Variants in ZNF107 observed in about 807,000 individuals in gnomAD.
ZNF107 encodes the protein zinc finger protein 107.
Under a neutral mutation model 12.3 loss-of-function variants are expected in ZNF107, and 19 were observed. That is an observed-to-expected ratio of 1.55 (90% CI 1.08 to 2.27). The LOEUF (loss-of-function observed/expected upper bound fraction) is 2.27. Ranked by LOEUF, ZNF107 falls within the 30% of genes most tolerant of loss-of-function variation. The probability of loss-of-function intolerance (pLI) is 0.00; values close to 1 mark genes in which losing one functional copy is unlikely to be tolerated. For missense variants in ZNF107, 958 were observed against 979.9 expected (o/e 0.98, Z 0.30); for synonymous variants, 317 against 330.5 (o/e 0.96, Z 0.44).
rs1360176237 is a variant in ZNF107, at chr7:64,696,994, T to A, written c.226+5034T>A. 9.7e-5 allele frequency among the ~76,000 whole-genome samples: 13 copies of A among 133,980 alleles called. No homozygotes were observed. In the East Asian group the frequency reaches 2.6e-3, roughly 26 times the overall value. The allele number at this position is 133,980 out of a possible 152,430, so 87.9% of individuals were successfully genotyped here. A position where few individuals can be genotyped will look rare whatever the true frequency, so the allele number is the denominator to read the frequency against. ...GCCCCCACCCCACAACAGTCCCCGGTGTGTGATGTTCCCCTTCCTGTGTCC... is the reference window on the plus strand; with the variant it reads ...GCCCCCACCCCACAACAGTCCCCGGAGTGTGATGTTCCCCTTCCTGTGTCC... On this transcript the variant is annotated intron_variant, in intron 3 of 3. Transcript: ENST00000620827.
chr7:64,707,272 T>C lies in ZNF107; in HGVS notation c.1175T>C (p.Met392Thr), dbSNP rs373381516. The C allele has an allele frequency of 1.9e-5, 31 of 1,609,964 alleles. No homozygotes were observed. Among genetic ancestry groups the C allele is most frequent in the Non-Finnish European group, 2.5e-5 (30 of 1,178,578 alleles). The change falls in exon 4 of 4, where the codon ATG (methionine) becomes ACG (threonine). Residue 392 changes from methionine (M) to threonine (T), a missense_variant. Coordinates refer to ENST00000620827, the MANE Select transcript of ZNF107 (RefSeq NM_001282359.2). The stretch of plus-strand genomic sequence containing the variant: ...CTTACTGCACATAAGAAAATTCTAA[T>C]GGAAGAGAAACCCTACAAATGTGAA... ...LKLTAHKKIL[M>T]EEKPYKCEEC... is the part of the protein sequence containing the mutation.
intron 1 of ZNF107, among the ~76,000 whole-genome samples, chr7:64,685,602 A>T (rs1047198892): frequency 1.3e-5 from 2 of 152,162 alleles, no homozygotes; most frequent in African/African-American, 2.4e-5. Context: ...AAACACAGGG[A>T]GCCACTCAGC....
At chr7:64,684,841 G>A (rs923514173) in intron 1 of ZNF107, 4 of 537,610 alleles carry the variant, frequency 7.4e-6, no homozygotes, top group Non-Finnish European at 9.5e-6. Context: ...TGGCATGGCC[G>A]CACTCCCACT....
chr7:64,704,399 C>T (rs1490117106), intron 3 of ZNF107, among the ~76,000 whole-genome samples: 3 of 152,124 alleles, frequency 2.0e-5, no homozygotes, highest in Non-Finnish European at 4.4e-5. Context: ...GCATGCACCA[C>T]CACACCTGTC....
chr7:64,691,293 G>A lies in ZNF107; in HGVS notation c.49G>A (p.Glu17Lys). Residue 17 changes from glutamate to lysine, a missense_variant, in exon 2 of 4, where the codon GAG (glutamate) becomes AAG (lysine). Glu to Lys is a moderately conservative substitution (Grantham distance 56). Coordinates refer to ENST00000620827, the MANE Select transcript of ZNF107 (RefSeq NM_001282359.2). Reference protein sequence around the residue: ...KDVAIEFSLEEWQCLDTAQRD... With the variant: ...KDVAIEFSLEKWQCLDTAQRD... The stretch of plus-strand genomic sequence containing the variant: ...TGTCGCCATAGAATTCTCTCTGGAG[G>A]AGTGGCAATGCCTGGATACTGCACA... 1 of 1,556,448 alleles carries A rather than the reference G, an allele frequency of 6.4e-7. No individual in the cohort carries two copies. The highest frequency in any genetic ancestry group is 8.7e-7 in the Non-Finnish European group (1 of 1,153,248).
chr7:64,692,173 T>C (rs1259097691), intron 3 of ZNF107, among the ~76,000 whole-genome samples: 2 of 152,204 alleles, frequency 1.3e-5, no homozygotes, highest in Non-Finnish European at 2.9e-5. Context: ...CCTTCAGTGA[T>C]CTTTCTTCAA....
rs1790679200 is a variant in ZNF107 at position 64,707,083 on chromosome 7, C to G, written c.986C>G (p.Thr329Ser). The change falls in exon 4 of 4, where the codon ACT becomes AGT. Residue 329 changes from threonine (T) to serine (S), a missense_variant. Physicochemically the swap from Thr to Ser is moderately conservative, Grantham distance 58. Coordinates refer to ENST00000620827, the MANE Select transcript of ZNF107 (RefSeq NM_001282359.2). ...GCTTTTAACCTATTCTCAAATCTTA[C>G]TAACCATAAGAGAATTCATGCTGGG... ...GKAFNLFSNL[T>S]NHKRIHAGEK... 4 of 1,611,346 alleles carry G rather than the reference C, an allele frequency of 2.5e-6. No individual in the cohort carries two copies. In the East Asian group the frequency reaches 8.9e-5, roughly 36 times the overall value.
chr7:64,691,884 A>G lies in ZNF107; in HGVS notation c.150A>G (p.Pro50=), dbSNP rs28886395. The G allele has an allele frequency of 7.0e-3, 10,509 of 1,493,650 alleles. 669 individuals carry two copies. In the African/African-American group the frequency reaches 0.13, roughly 19 times the overall value. 92.5% of individuals were successfully genotyped at this position (1,493,650 alleles called of 1,614,324 possible). ...AAACAGGTATTGCTGTCTCTAAGCC[A>G]TATCTGATCACCTGTCTGGAGCAAA... The part of the protein sequence containing the change: ...LVFLGIAVSK[P]YLITCLEQKK... The change falls in exon 3 of 4, where the codon CCA becomes CCG. Residue 50 remains proline (P), a synonymous_variant. Transcript: ENST00000620827.
intron 1 of ZNF107, among the ~76,000 whole-genome samples, chr7:64,677,164 C>A (rs921404087): frequency 6.6e-6 from 1 of 150,684 alleles, no homozygotes; most frequent in Non-Finnish European, 1.5e-5. Flanking sequence ...TCTGGATTAA[C>A]ATACCCATGG....
At chr7:64,700,188 A>G (rs1790427677) in intron 3 of ZNF107, among the ~76,000 whole-genome samples, 1 of 152,156 alleles carries the variant, frequency 6.6e-6, no homozygotes, top group African/African-American at 2.4e-5. Flanking sequence ...TCATGCTGCA[A>G]TGTACTCCTC....
intron 3 of ZNF107, among the ~76,000 whole-genome samples, chr7:64,704,872 G>A (rs1273792230): frequency 6.6e-6 from 1 of 152,078 alleles, no homozygotes; most frequent in Non-Finnish European, 1.5e-5. Flanking sequence ...TACAGATGGG[G>A]TTTCACCATG....
rs1272437422 is a variant in ZNF107, at chr7:64,709,391, A to G, written c.*735A>G. 8.8e-6 allele frequency: 3 copies of G among 339,096 alleles called. No individual in the cohort carries two copies. The highest frequency in any genetic ancestry group is 1.7e-5 in the Non-Finnish European group (3 of 175,932). The allele number at this position is 339,096 out of a possible 1,614,324, so 21.0% of individuals were successfully genotyped here. The stretch of plus-strand genomic sequence containing the variant: ...GAGAGAAACCCTGCAAATGTGAATA[A>G]TGTGGCAATACTTTAAACCAATCCT... On this transcript the variant is annotated 3_prime_UTR_variant, in exon 4 of 4. Transcript: ENST00000620827.
At chr7:64,701,906 T>C (rs1375848295) in intron 3 of ZNF107, among the ~76,000 whole-genome samples, 1 of 152,128 alleles carries the variant, frequency 6.6e-6, no homozygotes, top group Non-Finnish European at 1.5e-5. Context: ...CATTTCTTCT[T>C]ATTAAGTAGT....
intron 3 of ZNF107, among the ~76,000 whole-genome samples, chr7:64,698,081 T>C (rs1030667242): frequency 1.5e-4 from 23 of 152,212 alleles, no homozygotes; most frequent in African/African-American, 5.5e-4. Context: ...TTGGTGTCTT[T>C]AAAAAATTGA....
At chr7:64,691,179 A>AC in intron 1 of ZNF107, 69 bp from the exon 2 acceptor site, 13 of 1,308,706 alleles carry the variant, frequency 9.9e-6, no homozygotes, top group Non-Finnish European at 1.3e-5. Flanking sequence ...ACTATCCTAT[A>AC]CATTTTTTTA....
In ZNF107 at chr7:64,708,332, C is replaced by G. The variant is rs1248065047; in HGVS notation, c.2235C>G (p.Ser745=). Residue 745 remains serine, a synonymous_variant, in exon 4 of 4, where the codon TCC becomes TCG. Coordinates refer to ENST00000620827, the MANE Select transcript of ZNF107 (RefSeq NM_001282359.2). ...CKECGKAFNL[S]STLTAHKKIH... ...AATGTGGCAAAGCTTTTAACCTATC[C>G]TCAACCCTTACTGCACATAAGAAAA... 2 of 1,613,076 alleles carry G rather than the reference C, an allele frequency of 1.2e-6. No individual in the cohort carries two copies. The highest frequency in any genetic ancestry group is 4.5e-5 in the East Asian group (2 of 44,780).
chr7:64,707,243 A>G lies in ZNF107; in HGVS notation c.1146A>G (p.Leu382=), dbSNP rs762688025. The G allele has an allele frequency of 3.7e-6, 6 of 1,613,114 alleles. No homozygotes were observed. The highest frequency in any genetic ancestry group is 1.3e-5 in the African/African-American group (1 of 74,856). The stretch of plus-strand genomic sequence containing the variant: ...GTGACAAAGCTTTTAACCGATCCTT[A>G]AAACTTACTGCACATAAGAAAATTC... The part of the protein sequence containing the change: ...EECDKAFNRS[L]KLTAHKKILM... The change falls in exon 4 of 4, where the codon TTA becomes TTG. Residue 382 remains leucine (L), a synonymous_variant. Coordinates refer to ENST00000620827, the MANE Select transcript of ZNF107 (RefSeq NM_001282359.2).
At chr7:64,667,723 G>T (rs1252991895) in intron 1 of ZNF107, among the ~76,000 whole-genome samples, 1 of 152,250 alleles carries the variant, frequency 6.6e-6, no homozygotes, top group Admixed American at 6.5e-5. Flanking sequence ...CCTCTCAAGG[G>T]AGCAGGTGGA....
At position 64,707,506 on chromosome 7, in the gene ZNF107, A is replaced by G. The variant is rs1562847143; in HGVS notation, c.1409A>G (p.Asn470Ser). ...KAFNQHSNLI[N>S]HRKIYSGEKP... Reference sequence around the variant, plus strand: ...TTTAACCAACACTCAAACCTAATTAACCATAGGAAAATTTATTCTGGAGAG... The same window carrying G: ...TTTAACCAACACTCAAACCTAATTAGCCATAGGAAAATTTATTCTGGAGAG... Residue 470 changes from asparagine to serine, a missense_variant, in exon 4 of 4, where the codon AAC becomes AGC. Asn to Ser is a conservative substitution (Grantham distance 46). Coordinates refer to ENST00000620827, the MANE Select transcript of ZNF107 (RefSeq NM_001282359.2). The G allele has an allele frequency of 6.2e-7, 1 of 1,613,352 alleles. No individual in the cohort carries two copies. The highest frequency in any genetic ancestry group is 1.7e-5 in the Admixed American group (1 of 59,976).
Sources: gnomAD v4.1 joint callset for allele counts (sites outside exome capture counted in the v4.1 genomes callset) on GRCh38, gnomAD v4.1.1 for gene constraint, MANE v1.5 for transcripts, NCBI Gene and HGNC (gene_info 2026-07-23, HGNC 2026-07-21) for gene names.